The following MAML2 variants were observed in gnomAD, a reference collection of about 807,000 sequenced individuals.
MAML2 encodes mastermind-like protein 2.
MAML2 carries 22 observed loss-of-function variants against 96.1 expected under a neutral mutation model. That is an observed-to-expected ratio of 0.23 (90% CI 0.16 to 0.33). The LOEUF is 0.33. MAML2 is among the 10% of genes least tolerant of loss of function. The pLI, the probability that MAML2 is intolerant of heterozygous loss-of-function variation, is 1.00. For synonymous variants in MAML2, 561 were observed against 521.3 expected, an observed-to-expected ratio of 1.08 and a Z score of -1.04; for missense variants, 1,367 against 1,392.4, an observed-to-expected ratio of 0.98 and a Z score of 0.29.
At chr11:96,055,093 A>G (rs1245445410) in intron 2 of MAML2, among the ~76,000 whole-genome samples, 5 of 152,210 alleles carry the variant, frequency 3.3e-5, no homozygotes, top group Admixed American at 3.3e-4. Flanking sequence ...ATTTCAGGAC[A>G]AACAGGATAC....
chr11:96,016,284 T>C (rs1413348143), intron 2 of MAML2, among the ~76,000 whole-genome samples: 1 of 150,746 alleles, frequency 6.6e-6, no homozygotes, highest in Non-Finnish European at 1.5e-5. Context: ...GGGTGGGCAG[T>C]GCACATTAGG....
intron 2 of MAML2, among the ~76,000 whole-genome samples, chr11:96,003,942 A>T (rs147966236): frequency 0.022 from 3,395 of 152,286 alleles, 54 homozygotes; most frequent in Non-Finnish European, 0.033. Context: ...ACTTAGTAAT[A>T]GCTGAGCATT....
At chr11:96,064,105 C>T (rs1211019986) in intron 2 of MAML2, among the ~76,000 whole-genome samples, 1 of 152,158 alleles carries the variant, frequency 6.6e-6, no homozygotes, top group Non-Finnish European at 1.5e-5. Context: ...CAGTGTAATG[C>T]CAGGTTAGTA....
At chr11:96,083,976 A>G (rs140401083) in intron 2 of MAML2, among the ~76,000 whole-genome samples, 33 of 152,312 alleles carry the variant, frequency 2.2e-4, no homozygotes, top group Admixed American at 8.5e-4. Context: ...CTGAGACTGA[A>G]GAAAATTTAG....
At chr11:96,196,908 G>A (rs505689) in intron 1 of MAML2, among the ~76,000 whole-genome samples, 89,105 of 143,922 alleles carry the variant, frequency 0.62, 27,825 homozygotes, top group Middle Eastern at 0.71. Flanking sequence ...ATAGGAGCCA[G>A]TACATCTCTA....
intron 1 of MAML2, among the ~76,000 whole-genome samples, chr11:96,200,252 T>C (rs1260124372): frequency 6.6e-6 from 1 of 152,228 alleles, no homozygotes; most frequent in Admixed American, 6.5e-5. Flanking sequence ...ACACTCTTAA[T>C]GTTCTAGATA....
chr11:96,055,904 G>A (rs779201080), intron 2 of MAML2, among the ~76,000 whole-genome samples: 11 of 152,088 alleles, frequency 7.2e-5, no homozygotes, highest in Admixed American at 3.3e-4. Flanking sequence ...CAAGACAAAA[G>A]CAACAAAGTG....
chr11:96,244,491 C>T (rs184606655), intron 1 of MAML2, among the ~76,000 whole-genome samples: 22 of 152,236 alleles, frequency 1.4e-4, no homozygotes, highest in Admixed American at 6.5e-4. Context: ...GATATCTACA[C>T]GTTGTAATTA....
chr11:96,044,953 C>T (rs537830528), intron 2 of MAML2, among the ~76,000 whole-genome samples: 11 of 152,162 alleles, frequency 7.2e-5, no homozygotes, highest in Non-Finnish European at 1.5e-4. Flanking sequence ...TGATCATGCA[C>T]ACTCTTAGGA....
chr11:96,014,413 T>G (rs1858311749), intron 2 of MAML2, among the ~76,000 whole-genome samples: 1 of 152,136 alleles, frequency 6.6e-6, no homozygotes, highest in African/African-American at 2.4e-5. Flanking sequence ...GAAACCACAT[T>G]CAGAAAATGA....
At chr11:96,142,538 T>C (rs965079109) in intron 1 of MAML2, among the ~76,000 whole-genome samples, 7 of 152,254 alleles carry the variant, frequency 4.6e-5, no homozygotes, top group Non-Finnish European at 1.0e-4. Flanking sequence ...TACGATGTTA[T>C]TGCAGATTCT....
At chr11:96,271,592 CT>C (rs1415533684) in intron 1 of MAML2, among the ~76,000 whole-genome samples, 2 of 152,136 alleles carry the variant, frequency 1.3e-5, no homozygotes, top group African/African-American at 4.8e-5. Context: ...TTATAAGGGG[CT>C]TTTCCCCCAC....
Position 96,341,917 on chromosome 11 carries a change from T to G in MAML2, c.-22A>C. The G allele has an allele frequency of 6.7e-7, 1 of 1,494,344 alleles. No individual in the cohort carries two copies. Among genetic ancestry groups the G allele is most frequent in the Middle Eastern group, 1.9e-4 (1 of 5,368 alleles). The allele number at this position is 1,494,344 out of a possible 1,614,324, so 92.6% of individuals were successfully genotyped here. ...CCATCTTACCGGACACAATGATTGC[T>G]GCCTCTGGGATGGTGAGGTGGAAAG... On this transcript the variant is annotated 5_prime_UTR_variant, in exon 1 of 5. Coordinates refer to ENST00000524717, the MANE Select transcript of MAML2 (RefSeq NM_032427.4).
intron 1 of MAML2, among the ~76,000 whole-genome samples, chr11:96,209,439 A>G (rs1861937373): frequency 6.6e-6 from 1 of 152,046 alleles, no homozygotes; most frequent in African/African-American, 2.4e-5. Flanking sequence ...GGAGTTCGAG[A>G]CCAGACTGGC....
At chr11:96,037,911 T>C (rs1001589102) in intron 2 of MAML2, among the ~76,000 whole-genome samples, 6 of 152,136 alleles carry the variant, frequency 3.9e-5, no homozygotes, top group Admixed American at 1.3e-4. Context: ...CTAATAAAGA[T>C]CACTAGATAT....
At chr11:96,050,444 T>C (rs2135766906) in intron 2 of MAML2, among the ~76,000 whole-genome samples, 1 of 152,322 alleles carries the variant, frequency 6.6e-6, no homozygotes, top group South Asian at 2.1e-4. Flanking sequence ...GGACATTGGA[T>C]GGGTTTTTCA....
intron 2 of MAML2, among the ~76,000 whole-genome samples, chr11:96,019,924 G>A (rs900966851): frequency 3.3e-5 from 5 of 152,162 alleles, no homozygotes; most frequent in Non-Finnish European, 7.3e-5. Context: ...ATGACTCAAA[G>A]TTCAAACTTT....
At chr11:96,165,549 T>A (rs1423666079) in intron 1 of MAML2, among the ~76,000 whole-genome samples, 3 of 152,190 alleles carry the variant, frequency 2.0e-5, no homozygotes, top group Admixed American at 6.5e-5. Flanking sequence ...TCTGTTTTTT[T>A]AAAAAAATGG....
At chr11:96,251,741 T>G (rs896516312) in intron 1 of MAML2, among the ~76,000 whole-genome samples, 7 of 151,738 alleles carry the variant, frequency 4.6e-5, no homozygotes, top group Admixed American at 4.6e-4. Context: ...CCCTTTTTTT[T>G]TTTTTTTTGA....
Sources: gnomAD v4.1 joint callset for allele counts (sites outside exome capture counted in the v4.1 genomes callset) on GRCh38, gnomAD v4.1.1 for gene constraint, MANE v1.5 for transcripts, NCBI Gene and HGNC (gene_info 2026-07-23, HGNC 2026-07-21) for gene names.